Variants in TTC22 observed in about 807,000 individuals in gnomAD.
The protein encoded by TTC22 is tetratricopeptide repeat protein 22.
In TTC22, 42 loss-of-function variants were observed where a neutral mutation model predicts 48.2. The ratio of observed to expected loss-of-function variants is 0.87; its 90% CI spans 0.68 to 1.13. TTC22 has a LOEUF of 1.13. Among genes scored for constraint, TTC22 ranks in the 50% most tolerant of loss-of-function variants. TTC22 has a pLI of 0.00. For synonymous variants in TTC22, 345 were observed against 365.5 expected (o/e 0.94, Z 0.64); for missense variants, 784 against 807.0 (o/e 0.97, Z 0.34).
Position 54,781,746 on chromosome 1 carries a change from C to T in TTC22, c.1207G>A (p.Glu403Lys), listed in dbSNP as rs897828296. The change falls in exon 7 of 7, where the codon GAG (glutamate) becomes AAG (lysine). Residue 403 changes from glutamate (E) to lysine (K), a missense_variant. By Grantham distance (56) the Glu-to-Lys change is moderately conservative. Coordinates refer to ENST00000371276, the MANE Select transcript of TTC22 (RefSeq NM_001114108.2). ...YYYMGVDAVQ[E>K]LLAVDEAALN... is the part of the protein sequence containing the mutation. ...GCCGCCTCGTCCACCGCCAGCAGCTCCTGCACCGCGTCCACGCCCATATAG... is the reference window on the plus strand; with the variant it reads ...GCCGCCTCGTCCACCGCCAGCAGCTTCTGCACCGCGTCCACGCCCATATAG... 10 of 1,504,822 alleles carry T rather than the reference C, an allele frequency of 6.6e-6. No homozygotes were observed. Among genetic ancestry groups the T allele is most frequent in the African/African-American group, 1.4e-5 (1 of 70,704 alleles). The allele number at this position is 1,504,822 out of a possible 1,614,324, so 93.2% of individuals were successfully genotyped here.
At chr1:54,800,140 G>T (rs994308322) in intron 1 of TTC22, among the ~76,000 whole-genome samples, 2 of 152,140 alleles carry the variant, frequency 1.3e-5, no homozygotes, top group African/African-American at 4.8e-5. Context: ...CATGGAAAAG[G>T]CACTGAGGGG....
Position 54,781,524 on chromosome 1 carries a change from C to G in TTC22, c.1429G>C (p.Glu477Gln), listed in dbSNP as rs61733131. The G allele has an allele frequency of 2.6e-6, 4 of 1,513,334 alleles. No individual in the cohort carries two copies. Among genetic ancestry groups the G allele is most frequent in the Non-Finnish European group, 3.5e-6 (4 of 1,138,350 alleles). 93.7% of individuals were successfully genotyped at this position (1,513,334 alleles called of 1,614,324 possible). A position where few individuals can be genotyped will look rare whatever the true frequency, so the allele number is the denominator to read the frequency against. ...SHTDGFGCLL[E>Q]ALLAQWSQAQ... ...TGGCTCCACTGCGCCAGCAGCGCCT[C>G]GAGCAGGCAGCCGAAGCCGTCGGTG... The change falls in exon 7 of 7, where the codon GAG becomes CAG. Residue 477 changes from glutamate to glutamine, a missense_variant. Coordinates refer to ENST00000371276, the MANE Select transcript of TTC22 (RefSeq NM_001114108.2).
In TTC22 at chr1:54,781,489, C is replaced by T; in HGVS notation, c.1464G>A (p.Leu488=). Residue 488 remains leucine (L), a synonymous_variant, in exon 7 of 7, where the codon CTG becomes CTA. Coordinates refer to ENST00000371276, the MANE Select transcript of TTC22 (RefSeq NM_001114108.2). ...CCTCGCGGCCCAGCTCCCCGTCGCT[C>T]AGCTGTGCCTGGCTCCACTGCGCCA... is the stretch of plus-strand genomic sequence containing the variant. ...ALLAQWSQAQ[L]SDGELGREVD... 1 of 1,483,984 alleles carries T rather than the reference C, an allele frequency of 6.7e-7. No individual in the cohort carries two copies. Among genetic ancestry groups the T allele is most frequent in the Non-Finnish European group, 8.9e-7 (1 of 1,126,094 alleles). The allele number at this position is 1,483,984 out of a possible 1,614,324, so 91.9% of individuals were successfully genotyped here.
In TTC22 at chr1:54,787,769, G is replaced by A; in HGVS notation, c.681C>T (p.Phe227=). 6.2e-7 allele frequency: 1 copy of A among 1,613,574 alleles called. No individual in the cohort carries two copies. Among genetic ancestry groups the A allele is most frequent in the Non-Finnish European group, 8.5e-7 (1 of 1,179,796 alleles). The part of the protein sequence containing the change: ...GSEEQKRLPA[F]NRTLALLRQV... ...GCCGGAGTAGGGCCAGCGTGCGGTTGAAGGCAGGCAGTCTCTTCTGCTCCT... is the reference window on the plus strand; with the variant it reads ...GCCGGAGTAGGGCCAGCGTGCGGTTAAAGGCAGGCAGTCTCTTCTGCTCCT... Residue 227 remains phenylalanine, a synonymous_variant, in exon 3 of 7, where the codon TTC becomes TTT. Transcript: ENST00000371276.
At position 54,801,127 on chromosome 1, in the gene TTC22, C is replaced by G. The variant is rs1197339234; in HGVS notation, c.37G>C (p.Ala13Pro). 1.2e-6 allele frequency: 2 copies of G among 1,611,126 alleles called. No individual in the cohort carries two copies. Among genetic ancestry groups the G allele is most frequent in the Non-Finnish European group, 1.7e-6 (2 of 1,178,736 alleles). ...ELEAVADDLDALIDDLDYLPG... is the reference protein window; with the variant it reads ...ELEAVADDLDPLIDDLDYLPG... ...AGGTAGTCCAGGTCGTCGATGAGGG[C>G]GTCTAGATCGTCGGCCACAGCCTCC... The change falls in exon 1 of 7, where the codon GCC (alanine) becomes CCC (proline). Residue 13 changes from alanine (A) to proline (P), a missense_variant. Physicochemically the swap from Ala to Pro is conservative, Grantham distance 27 (BLOSUM62 -1). Transcript: ENST00000371276.
rs980183687 is a variant in TTC22 at position 54,801,248 on chromosome 1, C to T, written c.-85G>A. 6 of 1,411,844 alleles carry T rather than the reference C, an allele frequency of 4.2e-6. No homozygotes were observed. In the African/African-American group the frequency reaches 4.4e-5, roughly 10 times the overall value. 87.5% of individuals were successfully genotyped at this position (1,411,844 alleles called of 1,614,324 possible). Reference sequence around the variant, plus strand: ...ATGGGGGCGTTCCCCGAGCGAGCTCCGTGCGGGAGGCGAGGGGCAGCCGGC... The same window carrying T: ...ATGGGGGCGTTCCCCGAGCGAGCTCTGTGCGGGAGGCGAGGGGCAGCCGGC... On this transcript the variant is annotated 5_prime_UTR_variant, in exon 1 of 7. Transcript: ENST00000371276.
intron 4 of TTC22, chr1:54,786,558 AC>A (rs1293036109): frequency 8.5e-6 from 2 of 235,290 alleles, no homozygotes; most frequent in Middle Eastern, 1.3e-3. Context: ...ATTGTCATTG[AC>A]TGCTTCCTGT....
chr1:54,793,562 C>T (rs1288965824), intron 1 of TTC22, among the ~76,000 whole-genome samples: 2 of 152,142 alleles, frequency 1.3e-5, no homozygotes, highest in Admixed American at 6.5e-5. Context: ...TCAGAACAGC[C>T]TCATGGAATG....
At chr1:54,785,433 A>G in intron 5 of TTC22, 1 of 345,934 alleles carries the variant, frequency 2.9e-6, no homozygotes, top group Non-Finnish European at 5.7e-6. Flanking sequence ...ACCCGTGCCA[A>G]TCCAGAAGAG....
chr1:54,790,850 T>C (rs1646345275), intron 1 of TTC22, among the ~76,000 whole-genome samples: 1 of 150,088 alleles, frequency 6.7e-6, no homozygotes, highest in South Asian at 2.1e-4. Flanking sequence ...TCCGTCCTCC[T>C]CCTCCTCCTT....
intron 5 of TTC22, chr1:54,785,761 C>A: frequency 1.9e-6 from 1 of 529,900 alleles, no homozygotes; most frequent in Non-Finnish European, 3.4e-6. Flanking sequence ...TGCAGTGAGC[C>A]GTGGTGGCAC....
intron 6 of TTC22, 35 bp downstream of exon 6, chr1:54,782,290 G>T: frequency 6.7e-7 from 1 of 1,489,174 alleles, no homozygotes; most frequent in Middle Eastern, 1.8e-4. Context: ...ACAGATTCTT[G>T]CTCAGCTATT....
chr1:54,788,379 C>T (rs1646323358), intron 1 of TTC22, among the ~76,000 whole-genome samples: 1 of 149,832 alleles, frequency 6.7e-6, no homozygotes, highest in South Asian at 2.1e-4. Flanking sequence ...CCGCCACAGG[C>T]CCCCCAACCC....
intron 1 of TTC22, among the ~76,000 whole-genome samples, chr1:54,797,021 T>C (rs623163): frequency 0.18 from 27,178 of 152,016 alleles, 2,841 homozygotes; most frequent in Middle Eastern, 0.29. Flanking sequence ...GGCAGGACCT[T>C]ATGTGCCCCT....
Position 54,800,859 on chromosome 1 carries a change from G to C in TTC22, c.305C>G (p.Ala102Gly), listed in dbSNP as rs1450773054. Reference protein sequence around the residue: ...VAHEHPGNLNAWANLAHVYGR... With the variant: ...VAHEHPGNLNGWANLAHVYGR... ...GTACACGTGTGCCAGATTGGCCCAG[G>C]CATTGAGGTTGCCCGGGTGCTCGTG... The change falls in exon 1 of 7, where the codon GCC (alanine) becomes GGC (glycine). Residue 102 changes from alanine (A) to glycine (G), a missense_variant. By Grantham distance (60) the Ala-to-Gly change is moderately conservative. Coordinates refer to ENST00000371276, the MANE Select transcript of TTC22 (RefSeq NM_001114108.2). 6.2e-7 allele frequency: 1 copy of C among 1,609,774 alleles called. No homozygotes were observed.
rs139087812 is a variant in TTC22, at chr1:54,783,307, A to C, written c.1021-830T>G. ...GGGTTTGAATTCCAGTCCTTCCCTT[A>C]ACCCCTAGCTATTAGCCATGTCATC... On this transcript the variant is annotated intron_variant, in intron 5 of 6. Coordinates refer to ENST00000371276, the MANE Select transcript of TTC22 (RefSeq NM_001114108.2). 1.6e-4 allele frequency among the ~76,000 whole-genome samples: 25 copies of C among 152,352 alleles called. 1 individual carries two copies. The East Asian group carries it at 4.8e-3, about 29-fold the overall frequency.
chr1:54,800,583 C>T lies in TTC22; in HGVS notation c.567+14G>A. On this transcript the variant is annotated intron_variant, in intron 1 of 6. Coordinates refer to ENST00000371276, the MANE Select transcript of TTC22 (RefSeq NM_001114108.2). ...GTCCTCCCAGAGGGAGGTAGGGAGA[C>T]AGGGGTCACCTACCTGCTGCCCGTA... is the stretch of plus-strand genomic sequence containing the variant. The T allele has an allele frequency of 6.7e-7, 1 of 1,486,544 alleles. No individual in the cohort carries two copies. Among genetic ancestry groups the T allele is most frequent in the African/African-American group, 1.5e-5 (1 of 68,358 alleles). 92.1% of individuals were successfully genotyped at this position (1,486,544 alleles called of 1,614,324 possible).
At chr1:54,781,832 C>T (rs1265335649) in intron 6 of TTC22, 53 bp from the exon 7 acceptor site, 4 of 1,363,768 alleles carry the variant, frequency 2.9e-6, no homozygotes, top group Non-Finnish European at 2.8e-6. Flanking sequence ...GCTCCACGCT[C>T]ATTCCCGCCC....
At chr1:54,792,990 G>C (rs1029389079) in intron 1 of TTC22, 2 of 152,178 alleles carry the variant, frequency 1.3e-5, no homozygotes, top group African/African-American at 4.8e-5. Context: ...CAAGATGTTT[G>C]GAGGCAGCCT....
Sources: gnomAD v4.1 joint callset for allele counts (sites outside exome capture counted in the v4.1 genomes callset) on GRCh38, gnomAD v4.1.1 for gene constraint, MANE v1.5 for transcripts, NCBI Gene and HGNC (gene_info 2026-07-23, HGNC 2026-07-21) for gene names.